SNTG2: variants seen among roughly 807,000 people sequenced by gnomAD.
SNTG2 encodes the protein syntrophin gamma 2, also known as gamma-2-syntrophin.
Under a neutral mutation model 70.9 loss-of-function variants are expected in SNTG2, and 74 were observed. The observed-to-expected ratio is 1.04, with a 90% CI of 0.86 to 1.27. The LOEUF (loss-of-function observed/expected upper bound fraction) is 1.27. Among genes scored for constraint, SNTG2 ranks in the 50% most tolerant of loss-of-function variants. SNTG2 has a pLI of 0.00. For synonymous variants in SNTG2, 278 were observed against 273.8 expected, an observed-to-expected ratio of 1.02 and a Z score of -0.15; for missense variants, 717 against 690.7, an observed-to-expected ratio of 1.04 and a Z score of -0.43.
intron 14 of SNTG2, among the ~76,000 whole-genome samples, chr2:1,280,441 G>A (rs1444732244): frequency 6.6e-6 from 1 of 152,082 alleles, no homozygotes; most frequent in Non-Finnish European, 1.5e-5. Context: ...GGCTTCTGTT[G>A]ATGACTCTTA....
intron 11 of SNTG2, among the ~76,000 whole-genome samples, chr2:1,244,047 G>T (rs1677233726): frequency 6.6e-6 from 1 of 152,208 alleles, no homozygotes; most frequent in South Asian, 2.1e-4. Flanking sequence ...GGTGGTGGGG[G>T]TGGCTGGGGA....
intron 4 of SNTG2, among the ~76,000 whole-genome samples, chr2:1,110,709 A>C (rs1284466311): frequency 2.4e-4 from 37 of 152,204 alleles, no homozygotes; most frequent in Admixed American, 2.4e-3. Context: ...GCCATTCATC[A>C]TGTCTGCTGT....
At chr2:1,031,528 A>ATATATATATATATATATATATATTTTTT in intron 1 of SNTG2, among the ~76,000 whole-genome samples, 27 of 59,090 alleles carry the variant, frequency 4.6e-4, no homozygotes, top group Non-Finnish European at 6.6e-4. Context: ...ATATATATAT[A>ATATATATATATATATATATATATTTTTT]TTTTTTTTTT....
At chr2:955,910 A>AG (rs1392031051) in intron 1 of SNTG2, among the ~76,000 whole-genome samples, 1 of 152,176 alleles carries the variant, frequency 6.6e-6, no homozygotes, top group African/African-American at 2.4e-5. Flanking sequence ...AGGGAGGCCA[A>AG]GGGGCCCACA....
intron 6 of SNTG2, among the ~76,000 whole-genome samples, chr2:1,159,898 G>C (rs62106023): frequency 0.046 from 7,016 of 152,150 alleles, 253 homozygotes; most frequent in South Asian, 0.18. Flanking sequence ...AAAGGGGAGG[G>C]ACTAAGAAAC....
chr2:1,350,114 AC>A (rs571252155), intron 16 of SNTG2, among the ~76,000 whole-genome samples: 1 of 151,348 alleles, frequency 6.6e-6, no homozygotes, highest in African/African-American at 2.4e-5. Context: ...CCTTGCTATC[AC>A]CCCCCCAGTG....
At chr2:1,290,195 A>C (rs545018706) in intron 14 of SNTG2, among the ~76,000 whole-genome samples, 1 of 152,188 alleles carries the variant, frequency 6.6e-6, no homozygotes, top group African/African-American at 2.4e-5. Context: ...CAGGCTGTAC[A>C]GGAGGCATGG....
intron 16 of SNTG2, among the ~76,000 whole-genome samples, chr2:1,350,547 C>G (rs758419117): frequency 6.6e-6 from 1 of 152,140 alleles, no homozygotes; most frequent in African/African-American, 2.4e-5. Context: ...CAAGGACAGC[C>G]GGATGCTGTT....
intron 6 of SNTG2, among the ~76,000 whole-genome samples, chr2:1,144,464 T>TAA (rs1306102579): frequency 3.9e-5 from 6 of 152,200 alleles, no homozygotes; most frequent in Non-Finnish European, 5.9e-5. Context: ...TTCTGGGCCA[T>TAA]AAAAACACAT....
rs141600263 is a variant in SNTG2, at chr2:1,209,111, G to A, written c.600G>A (p.Ser200=). The A allele has an allele frequency of 1.1e-4, 183 of 1,613,770 alleles. 2 individuals carry two copies. The East Asian group carries it at 2.5e-3, about 22-fold the overall frequency. Residue 200 remains serine (S), a synonymous_variant, in exon 9 of 17, where the codon TCG becomes TCA. Transcript: ENST00000308624. ...LNGNSSTTAP[S]SPSSPIAKDP... is the part of the protein sequence containing the mutation. ...TCCTTTCTTCTGTACAGGCCCCATC[G>A]TCACCTTCCTCGCCCATAGCTAAGG...
chr2:996,799 T>G (rs1261831846), intron 1 of SNTG2, among the ~76,000 whole-genome samples: 1 of 151,172 alleles, frequency 6.6e-6, no homozygotes, highest in Non-Finnish European at 1.5e-5. Flanking sequence ...AGGGTTGCTC[T>G]GTAGCAGTGA....
chr2:1,127,298 T>A (rs1376881250), intron 4 of SNTG2, among the ~76,000 whole-genome samples: 2 of 152,156 alleles, frequency 1.3e-5, no homozygotes, highest in African/African-American at 4.8e-5. Flanking sequence ...ATATCTGGGA[T>A]ACTTATCTTG....
At chr2:1,038,465 G>A (rs1461493836) in intron 1 of SNTG2, among the ~76,000 whole-genome samples, 2 of 152,182 alleles carry the variant, frequency 1.3e-5, no homozygotes, top group African/African-American at 4.8e-5. Flanking sequence ...ACCCGAGGAA[G>A]CTCCGCCTTC....
chr2:1,121,060 G>C (rs1375100053), intron 4 of SNTG2, among the ~76,000 whole-genome samples: 1 of 151,516 alleles, frequency 6.6e-6, no homozygotes, highest in Non-Finnish European at 1.5e-5. Flanking sequence ...TATCATCTCT[G>C]ACCACATGGA....
rs528814960 is a variant in SNTG2 at position 1,015,531 on chromosome 2, G to A, written c.72+64463G>A. Among the ~76,000 whole-genome samples the A allele has an allele frequency of 1.4e-4, 22 of 152,274 alleles. No homozygotes were observed. In the East Asian group the frequency reaches 2.9e-3, roughly 20 times the overall value. ...AGTGTCATAAAAGGAAAAAAATCCC[G>A]TGGTACAGACAGACAGTCCAGCAGG... On this transcript the variant is annotated intron_variant, in intron 1 of 16. Coordinates refer to ENST00000308624, the MANE Select transcript of SNTG2 (RefSeq NM_018968.4).
At chr2:1,270,708 C>G (rs1415829551) in intron 14 of SNTG2, among the ~76,000 whole-genome samples, 1 of 152,216 alleles carries the variant, frequency 6.6e-6, no homozygotes, top group Non-Finnish European at 1.5e-5. Flanking sequence ...ATGTGTTCTT[C>G]TTGATTCAGT....
chr2:1,074,592 G>A lies in SNTG2; in HGVS notation c.73-8926G>A, dbSNP rs4077779. Among the ~76,000 whole-genome samples, 196 of 152,202 alleles carry A rather than the reference G, an allele frequency of 1.3e-3. 2 individuals carry two copies. The highest frequency in any genetic ancestry group is 4.4e-3 in the African/African-American group (183 of 41,514). On this transcript the variant is annotated intron_variant, in intron 1 of 16. Coordinates refer to ENST00000308624, the MANE Select transcript of SNTG2 (RefSeq NM_018968.4). ...AAAAGATAAGACTATTTTGTAATTCGTTGCATTTTACCTGATGAATTTAAT... is the reference window on the plus strand; with the variant it reads ...AAAAGATAAGACTATTTTGTAATTCATTGCATTTTACCTGATGAATTTAAT...
intron 6 of SNTG2, among the ~76,000 whole-genome samples, chr2:1,146,101 A>G (rs921271939): frequency 2.0e-5 from 3 of 152,190 alleles, no homozygotes; most frequent in Non-Finnish European, 4.4e-5. Context: ...CATCATAGAT[A>G]ATGGTGAGAA....
At chr2:1,240,383 T>C (rs1468523427) in intron 11 of SNTG2, among the ~76,000 whole-genome samples, 1 of 152,214 alleles carries the variant, frequency 6.6e-6, no homozygotes, top group African/African-American at 2.4e-5. Context: ...GAAAACTCTA[T>C]GGTAATCAAG....
Sources: allele counts gnomAD v4.1 joint callset (sites outside exome capture counted in the v4.1 genomes callset), GRCh38; gene constraint gnomAD v4.1.1; transcripts MANE v1.5; gene names NCBI Gene and HGNC (gene_info 2026-07-23, HGNC 2026-07-21).